The following AP1B1 variants were observed in gnomAD, a reference collection of about 807,000 sequenced individuals.
AP1B1 encodes the protein adaptor related protein complex 1 subunit beta 1, also known as AP-1 complex subunit beta-1.
AP1B1 carries 36 observed loss-of-function variants against 104.3 expected under a neutral mutation model. The observed-to-expected ratio is 0.35, with a 90% CI of 0.26 to 0.46. The LOEUF is 0.46. AP1B1 is among the 20% of genes least tolerant of loss of function. The pLI is 1.00. For missense variants in AP1B1, 901 were observed against 1,247.9 expected (o/e 0.72, Z 4.19); for synonymous variants, 504 against 517.5 (o/e 0.97, Z 0.35).
chr22:29,332,571 G>A (rs1472528947), intron 17 of AP1B1, among the ~76,000 whole-genome samples: 1 of 152,206 alleles, frequency 6.6e-6, no homozygotes, highest in African/African-American at 2.4e-5. Context: ...CGGTATACCT[G>A]GGCTGCGGAT....
intron 11 of AP1B1, among the ~76,000 whole-genome samples, chr22:29,345,700 T>C (rs1412515912): frequency 1.3e-5 from 2 of 152,080 alleles, no homozygotes; most frequent in Admixed American, 1.3e-4. Flanking sequence ...TTTTCTTTTT[T>C]CTGAGATGGA....
rs557262330 is a variant in AP1B1 at position 29,351,929 on chromosome 22, C to A, written c.939-104G>T. On this transcript the variant is annotated intron_variant, in intron 7 of 22. Transcript: ENST00000357586. Reference sequence around the variant, plus strand: ...GACATTTCTGGGGTCTGAGGTGGAGCCTGATGTCTGTGAAGGCAGAGTCAC... The same window carrying A: ...GACATTTCTGGGGTCTGAGGTGGAGACTGATGTCTGTGAAGGCAGAGTCAC... 2.1e-5 allele frequency: 30 copies of A among 1,457,688 alleles called. No homozygotes were observed. In the African/African-American group the frequency reaches 3.6e-4, roughly 18 times the overall value. The allele number at this position is 1,457,688 out of a possible 1,614,324, so 90.3% of individuals were successfully genotyped here.
chr22:29,377,463 G>T (rs969486460), intron 1 of AP1B1, among the ~76,000 whole-genome samples: 2 of 152,152 alleles, frequency 1.3e-5, no homozygotes, highest in Non-Finnish European at 2.9e-5. Context: ...AGTGGTAGTA[G>T]TAATGGTAAA....
At chr22:29,378,590 T>C in intron 1 of AP1B1, among the ~76,000 whole-genome samples, 1 of 139,404 alleles carries the variant, frequency 7.2e-6, no homozygotes, top group Middle Eastern at 3.9e-3. Context: ...CCGGGCGCAG[T>C]GGCTCACGCC....
intron 2 of AP1B1, among the ~76,000 whole-genome samples, chr22:29,363,768 G>C (rs2062089196): frequency 6.6e-6 from 1 of 152,056 alleles, no homozygotes; most frequent in Non-Finnish European, 1.5e-5. Context: ...GTGGTGGCAT[G>C]TGCCTGCCGT....
Position 29,338,090 on chromosome 22 carries a change from G to T in AP1B1, c.2163+900C>A, listed in dbSNP as rs2061619852. Reference sequence around the variant, plus strand: ...TAGGTGGCATAGTGGGCATCTGTGGGCATCTTCAGGTGGCATAACATGTAG... The same window carrying T: ...TAGGTGGCATAGTGGGCATCTGTGGTCATCTTCAGGTGGCATAACATGTAG... On this transcript the variant is annotated intron_variant, in intron 16 of 22. Transcript: ENST00000357586. 4.6e-5 allele frequency among the ~76,000 whole-genome samples: 7 copies of T among 152,198 alleles called. No homozygotes were observed. The South Asian group carries it at 1.2e-3, about 27-fold the overall frequency.
In AP1B1 at chr22:29,330,339, G is replaced by T. The variant is rs763076451; in HGVS notation, c.2766+39C>A. 23 of 1,609,118 alleles carry T rather than the reference G, an allele frequency of 1.4e-5. No homozygotes were observed. The African/African-American group carries it at 3.1e-4, about 21-fold the overall frequency. The stretch of plus-strand genomic sequence containing the variant: ...CCACCCCCTGGCATGGGACGAAGGG[G>T]AGGCTCCAAGGCTGCAGGGCGGGTG... On this transcript the variant is annotated intron_variant, in intron 21 of 22. Coordinates refer to ENST00000357586, the MANE Select transcript of AP1B1 (RefSeq NM_001127.4).
rs756186368 is a variant in AP1B1, at chr22:29,331,841, C to T, written c.2385G>A (p.Leu795=). The change falls in exon 18 of 23, where the codon CTG becomes CTA. Residue 795 remains leucine, a synonymous_variant. Transcript: ENST00000357586. ...LSPNQTVEIS[L]PLSTVGSVMK... is the part of the protein sequence containing the mutation. ...TGACCGAGCCCACCGTGCTGAGAGG[C>T]AGGGAGATCTCCACTGTCTGGTTGG... is the stretch of plus-strand genomic sequence containing the variant. 7 of 1,613,550 alleles carry T rather than the reference C, an allele frequency of 4.3e-6. No homozygotes were observed. The Admixed American group carries it at 1.2e-4, about 27-fold the overall frequency.
At position 29,328,701 on chromosome 22, in the gene AP1B1, G is replaced by T; in HGVS notation, c.*120C>A. The stretch of plus-strand genomic sequence containing the variant: ...GGTGGGTTCTGCCATCAGGACCAGG[G>T]AGCCCACTGAGTGGCCTGGAGCCCC... On this transcript the variant is annotated 3_prime_UTR_variant, in exon 23 of 23. Transcript: ENST00000357586. The surrounding 1 kb of genome is among the most constrained non-coding windows in gnomAD (Gnocchi z 4.1). 1 of 1,264,898 alleles carries T rather than the reference G, an allele frequency of 7.9e-7. No individual in the cohort carries two copies. The highest frequency in any genetic ancestry group is 1.1e-6 in the Non-Finnish European group (1 of 920,532). The allele number at this position is 1,264,898 out of a possible 1,614,324, so 78.4% of individuals were successfully genotyped here.
chr22:29,339,698 A>G, intron 15 of AP1B1, 56 bp downstream of exon 15: 1 of 1,594,168 alleles, frequency 6.3e-7, no homozygotes, highest in Non-Finnish European at 8.6e-7. Context: ...ATGCTGGGCC[A>G]GCGCTTTCGG....
In AP1B1 at chr22:29,338,990, T is replaced by G; in HGVS notation, c.2163A>C (p.Ala721=). The change falls in exon 16 of 23, where the codon GCA becomes GCC. Residue 721 remains alanine (A), a splice_region_variant and synonymous_variant. Transcript: ENST00000357586. ...TLSGSYVAPK[A]VWLPAMKAKG... is the part of the protein sequence containing the mutation. The stretch of plus-strand genomic sequence containing the variant: ...CCAAGACAGAAGACAAGTGACTTAC[T>G]GCTTTGGGGGCCACATATGATCCTG... 1 of 1,614,064 alleles carries G rather than the reference T, an allele frequency of 6.2e-7. No individual in the cohort carries two copies. The highest frequency in any genetic ancestry group is 8.5e-7 in the Non-Finnish European group (1 of 1,179,992).
At chr22:29,345,747 C>T (rs1191878491) in intron 11 of AP1B1, among the ~76,000 whole-genome samples, 2 of 152,022 alleles carry the variant, frequency 1.3e-5, no homozygotes, top group African/African-American at 2.4e-5. Flanking sequence ...TGCAGTTGTG[C>T]GATCTCGGCT....
Position 29,339,056 on chromosome 22 carries a change from C to G in AP1B1, c.2097G>C (p.Leu699=), listed in dbSNP as rs149432364. 5 of 1,614,088 alleles carry G rather than the reference C, an allele frequency of 3.1e-6. No homozygotes were observed. In the African/African-American group the frequency reaches 5.3e-5, roughly 17 times the overall value. The stretch of plus-strand genomic sequence containing the variant: ...CACTGGTCAGGTCAAAGAGGTCACT[C>G]AGGCCACTGCCGATGGGTGCTCCAA... The part of the protein sequence containing the change: ...ANLGAPIGSG[L]SDLFDLTSGV... Residue 699 remains leucine, a synonymous_variant, in exon 16 of 23, where the codon CTG becomes CTC. Transcript: ENST00000357586.
chr22:29,329,813 C>G (rs900392672), intron 21 of AP1B1, 93 bp from the exon 22 acceptor site: 1 of 1,580,176 alleles, frequency 6.3e-7, no homozygotes, highest in African/African-American at 1.3e-5. Context: ...CACAGCCCCC[C>G]ACCGACCAGC....
At chr22:29,366,511 C>G (rs2062139330) in intron 2 of AP1B1, among the ~76,000 whole-genome samples, 2 of 152,060 alleles carry the variant, frequency 1.3e-5, no homozygotes. Flanking sequence ...TGGTGTAATC[C>G]CAGCTACTTG....
intron 7 of AP1B1, among the ~76,000 whole-genome samples, chr22:29,354,394 G>A (rs1215571341): frequency 2.0e-5 from 3 of 152,162 alleles, no homozygotes; most frequent in African/African-American, 7.2e-5. Flanking sequence ...ACTGTAGGAT[G>A]CTGACCAGCA....
In AP1B1 at chr22:29,340,840, C is replaced by T; in HGVS notation, c.1814G>A (p.Ser605Asn). 6.3e-7 allele frequency: 1 copy of T among 1,594,760 alleles called. No individual in the cohort carries two copies. The highest frequency in any genetic ancestry group is 8.5e-7 in the Non-Finnish European group (1 of 1,172,612). The change falls in exon 14 of 23, where the codon AGC (serine) becomes AAC (asparagine). Residue 605 changes from serine (S) to asparagine (N), a missense_variant. Ser to Asn is a conservative substitution (Grantham distance 46, BLOSUM62 1). Coordinates refer to ENST00000357586, the MANE Select transcript of AP1B1 (RefSeq NM_001127.4). ...TGCTCCAGTAGGGGCTGTCTCAGGG[C>T]TCTCTGCGCTCTCACTCCTGCCGGG... The part of the protein sequence containing the change: ...PRTASSESAE[S>N]PETAPTGAPP...
chr22:29,355,195 C>T (rs1302161441), intron 6 of AP1B1, among the ~76,000 whole-genome samples: 2 of 151,950 alleles, frequency 1.3e-5, no homozygotes, highest in Admixed American at 6.6e-5. Flanking sequence ...CGAGATCGCG[C>T]CATTGCACTC....
At chr22:29,368,773 ATT>A in intron 1 of AP1B1, among the ~76,000 whole-genome samples, 1 of 150,632 alleles carries the variant, frequency 6.6e-6, no homozygotes. Context: ...AAAAAAAAAA[ATT>A]GAGGCCGGAC....
Sources: allele counts gnomAD v4.1 joint callset (sites outside exome capture counted in the v4.1 genomes callset), GRCh38; gene constraint gnomAD v4.1.1; non-coding constraint Gnocchi (gnomAD v3.1); transcripts MANE v1.5; gene names NCBI Gene and HGNC (gene_info 2026-07-23, HGNC 2026-07-21).